The following ZDHHC19 variants were observed in gnomAD, a reference collection of about 807,000 sequenced individuals.
ZDHHC19 encodes palmitoyltransferase ZDHHC19.
Under a neutral mutation model 33.9 loss-of-function variants are expected in ZDHHC19, and 30 were observed. The ratio of observed to expected loss-of-function variants is 0.88; its 90% CI spans 0.66 to 1.20. The LOEUF is 1.20. Ranked by LOEUF, ZDHHC19 falls within the 50% of genes most tolerant of loss-of-function variation. The probability of loss-of-function intolerance (pLI) is 0.00; values close to 1 mark genes in which losing one functional copy is unlikely to be tolerated. For missense variants in ZDHHC19, 364 were observed against 401.1 expected (o/e 0.91, Z 0.79); for synonymous variants, 178 against 167.6 (o/e 1.06, Z -0.48).
intron 6 of ZDHHC19, 45 bp downstream of exon 6, chr3:196,198,744 C>A: frequency 6.2e-7 from 1 of 1,609,226 alleles, no homozygotes; most frequent in South Asian, 1.1e-5. Flanking sequence ...CACCTCTGCC[C>A]CACCCCCAGG....
intron 2 of ZDHHC19, among the ~76,000 whole-genome samples, chr3:196,210,285 A>AAGGAAGGAAG (rs1553821803): frequency 7.2e-6 from 1 of 139,562 alleles, no homozygotes; most frequent in Admixed American, 7.2e-5. Context: ...AAAGAAAGAA[A>AAGGAAGGAAG]GAAGGAAGGA....
intron 5 of ZDHHC19, among the ~76,000 whole-genome samples, chr3:196,200,989 T>C (rs1190856807): frequency 6.6e-6 from 1 of 151,668 alleles, no homozygotes; most frequent in Non-Finnish European, 1.5e-5. Flanking sequence ...GTATATAAGG[T>C]ATAGAAAAAT....
chr3:196,200,499 T>G (rs9881540), intron 5 of ZDHHC19, among the ~76,000 whole-genome samples: 1 of 148,344 alleles, frequency 6.7e-6, no homozygotes, highest in African/African-American at 2.5e-5. Flanking sequence ...GGATTACAGG[T>G]GCTCGCCACC....
At position 196,198,366 on chromosome 3, in the gene ZDHHC19, A is replaced by AGG; in HGVS notation, c.857_858dup (p.Ser287ProfsTer67). ...GTTGGGGCTGGGGGGTTGAGAGCAG[A>AGG]GGGGGACATTGGAGGGTGCAGATTC... is the stretch of plus-strand genomic sequence containing the variant. On this transcript the variant is annotated frameshift_variant, in exon 7 of 8. Coordinates refer to ENST00000296326, the MANE Select transcript of ZDHHC19 (RefSeq NM_001039617.2). LOFTEE classifies it high-confidence loss of function. 1 of 1,529,790 alleles carries AGG rather than the reference A, an allele frequency of 6.5e-7. No homozygotes were observed. The highest frequency in any genetic ancestry group is 8.8e-7 in the Non-Finnish European group (1 of 1,138,376). 94.8% of individuals were successfully genotyped at this position (1,529,790 alleles called of 1,614,324 possible). A position where few individuals can be genotyped will look rare whatever the true frequency, so the allele number is the denominator to read the frequency against.
intron 3 of ZDHHC19, 193 bp downstream of exon 3, chr3:196,209,182 AC>A (rs1447071979): frequency 1.3e-6 from 1 of 763,704 alleles, no homozygotes; most frequent in Non-Finnish European, 2.0e-6. Flanking sequence ...TCTGCAGGCA[AC>A]GGCCAGCCTC....
chr3:196,209,491 G>A lies in ZDHHC19; in HGVS notation c.293C>T (p.Thr98Met), dbSNP rs748690705. ...GTGGTTCACCCACACCACGTGCACC[G>A]TCAAGGGGCCCTGCTCAGCGGAGCC... The part of the protein sequence containing the change: ...HQGSAEQGPL[T>M]VHVVWVNHGA... The change falls in exon 3 of 8, where the codon ACG (threonine) becomes ATG (methionine). Residue 98 changes from threonine (T) to methionine (M), a missense_variant. Coordinates refer to ENST00000296326, the MANE Select transcript of ZDHHC19 (RefSeq NM_001039617.2). 1.7e-5 allele frequency: 27 copies of A among 1,612,866 alleles called. No individual in the cohort carries two copies. The highest frequency in any genetic ancestry group is 1.6e-4 in the Middle Eastern group (1 of 6,078).
At chr3:196,200,798 A>G (rs538677904) in intron 5 of ZDHHC19, among the ~76,000 whole-genome samples, 1 of 150,124 alleles carries the variant, frequency 6.7e-6, no homozygotes, top group South Asian at 2.1e-4. Context: ...ACAGGCATGC[A>G]CCACTATGCC....
At chr3:196,201,199 A>G (rs1035145956) in intron 5 of ZDHHC19, among the ~76,000 whole-genome samples, 2 of 151,266 alleles carry the variant, frequency 1.3e-5, no homozygotes, top group Non-Finnish European at 2.9e-5. Flanking sequence ...CAGCCTCCCA[A>G]GTAGCTGGGA....
chr3:196,200,589 C>CAA (rs948010289), intron 5 of ZDHHC19, among the ~76,000 whole-genome samples: 3 of 150,074 alleles, frequency 2.0e-5, no homozygotes, highest in Non-Finnish European at 4.4e-5. Flanking sequence ...CTCCTGACCT[C>CAA]GTGATCCGCC....
chr3:196,198,159 G>A lies in ZDHHC19; in HGVS notation c.*19+117C>T, dbSNP rs548766441. 415 of 1,041,666 alleles carry A rather than the reference G, an allele frequency of 4.0e-4. 4 individuals carry two copies. The African/African-American group carries it at 5.8e-3, about 15-fold the overall frequency. 64.5% of individuals were successfully genotyped at this position (1,041,666 alleles called of 1,614,324 possible). On this transcript the variant is annotated intron_variant, in intron 7 of 7. Transcript: ENST00000296326. ...GTAGAACCCTCCTCCCCCCAAGCTC[G>A]GAGCGCTCCAGCTTCAGGGTCAGCC...
At chr3:196,200,450 G>A (rs1722206821) in intron 5 of ZDHHC19, among the ~76,000 whole-genome samples, 1 of 147,366 alleles carries the variant, frequency 6.8e-6, no homozygotes, top group African/African-American at 2.5e-5. Flanking sequence ...CGCCTCCCAG[G>A]TTCACGCCAT....
intron 1 of ZDHHC19, 21 bp from the exon 2 acceptor site, chr3:196,210,758 G>A (rs115997786): frequency 0.12 from 190,261 of 1,609,358 alleles, 11,674 homozygotes; most frequent in Middle Eastern, 0.18. Flanking sequence ...AGGCAGGCTC[G>A]GTCCTGAGCA....
chr3:196,201,356 G>A (rs1359607338), intron 5 of ZDHHC19, among the ~76,000 whole-genome samples: 1 of 150,628 alleles, frequency 6.6e-6, no homozygotes, highest in Non-Finnish European at 1.5e-5. Flanking sequence ...GTGAGCCACC[G>A]CACCGGGCCA....
intron 7 of ZDHHC19, 126 bp downstream of exon 7, chr3:196,198,150 C>CT: frequency 1.0e-6 from 1 of 974,504 alleles, no homozygotes. Context: ...CCCTCCTCCC[C>CT]CCAAGCTCGG....
intron 2 of ZDHHC19, 127 bp from the exon 3 acceptor site, chr3:196,209,642 A>C (rs2108741193): frequency 7.9e-7 from 1 of 1,263,626 alleles, no homozygotes; most frequent in East Asian, 2.5e-5. Flanking sequence ...CCCTGTCCCC[A>C]CTGAGCAAGC....
intron 4 of ZDHHC19, 137 bp downstream of exon 4, chr3:196,208,251 C>T (rs1241789220): frequency 3.3e-6 from 2 of 604,840 alleles, no homozygotes; most frequent in Non-Finnish European, 4.9e-6. Context: ...TCCCCCGACC[C>T]CGCCCACCTC....
chr3:196,200,468 C>T (rs909046102), intron 5 of ZDHHC19, among the ~76,000 whole-genome samples: 3 of 148,226 alleles, frequency 2.0e-5, no homozygotes, highest in Non-Finnish European at 4.4e-5. Context: ...CATTCTCCTG[C>T]CTCAGCCTCC....
chr3:196,210,530 C>T, intron 2 of ZDHHC19, 86 bp downstream of exon 2: 1 of 1,580,492 alleles, frequency 6.3e-7, no homozygotes, highest in African/African-American at 1.3e-5. Context: ...GGAGGAGGGT[C>T]AGTAGGAAGA....
intron 5 of ZDHHC19, chr3:196,199,215 AG>A (rs1722045971): frequency 3.6e-5 from 11 of 306,578 alleles, no homozygotes; most frequent in South Asian, 2.8e-4. Flanking sequence ...GTAAAGGCCA[AG>A]TCGTCCCCTG....
Sources: gnomAD v4.1 joint callset for allele counts (sites outside exome capture counted in the v4.1 genomes callset) on GRCh38, gnomAD v4.1.1 for gene constraint, MANE v1.5 for transcripts, NCBI Gene and HGNC (gene_info 2026-07-23, HGNC 2026-07-21) for gene names.